The following KIF5C variants were observed in gnomAD, a reference collection of about 807,000 sequenced individuals.
KIF5C encodes kinesin family member 5C.
A neutral mutation model predicts 125.2 loss-of-function variants in KIF5C; 18 were observed. That is an observed-to-expected ratio of 0.14 (90% confidence interval 0.10 to 0.21). KIF5C has a LOEUF of 0.21. Among genes scored for constraint, KIF5C ranks in the 10% least tolerant of loss-of-function variants. The pLI, the probability that KIF5C is intolerant of heterozygous loss-of-function variation, is 1.00. For missense variants in KIF5C, 780 were observed against 1,183.8 expected, an observed-to-expected ratio of 0.66 and a Z score of 5.01; for synonymous variants, 405 against 434.0, an observed-to-expected ratio of 0.93 and a Z score of 0.83.
intron 13 of KIF5C, among the ~76,000 whole-genome samples, chr2:148,981,113 A>C (rs1486612410): frequency 6.6e-6 from 1 of 152,210 alleles, no homozygotes; most frequent in African/African-American, 2.4e-5. Flanking sequence ...TAACAACAAC[A>C]ACAACAAAAC....
chr2:148,983,156 A>G (rs1215132422), intron 14 of KIF5C, among the ~76,000 whole-genome samples: 1 of 152,072 alleles, frequency 6.6e-6, no homozygotes, highest in African/African-American at 2.4e-5. Flanking sequence ...CTTCTGGGCC[A>G]TCTATTCTAG....
chr2:148,973,656 G>C, intron 12 of KIF5C, 145 bp downstream of exon 12: 1 of 1,211,874 alleles, frequency 8.3e-7, no homozygotes, highest in Non-Finnish European at 1.1e-6. Context: ...TGATGGTGCA[G>C]ATTCAGGGAG....
chr2:148,931,646 G>A (rs1372779352), intron 3 of KIF5C, among the ~76,000 whole-genome samples: 2 of 152,092 alleles, frequency 1.3e-5, no homozygotes, highest in Admixed American at 6.5e-5. Flanking sequence ...CTGGGTGACA[G>A]AACAAGACTC....
Position 148,875,690 on chromosome 2 carries a change from C to T in KIF5C, c.73C>T (p.Arg25Cys). Residue 25 changes from arginine (R) to cysteine (C), a missense_variant, in exon 1 of 26, where the codon CGC (arginine) becomes TGC (cysteine). Around this residue, in one of 2 missense-constraint regions of KIF5C, gnomAD observed 207 missense variants for 441.2 expected, o/e 0.47. Coordinates refer to ENST00000435030, the MANE Select transcript of KIF5C (RefSeq NM_004522.3). The stretch of plus-strand genomic sequence containing the variant: ...GCCCCTCAACGAAGCGGAGATCCTC[C>T]GCGGGGACAAATTCATCCCCAAATT... Reference protein sequence around the residue: ...FRPLNEAEILRGDKFIPKFKG... With the variant: ...FRPLNEAEILCGDKFIPKFKG... 1 of 1,593,254 alleles carries T rather than the reference C, an allele frequency of 6.3e-7. No individual in the cohort carries two copies.
At chr2:148,900,489 G>T (rs1680851531) in intron 1 of KIF5C, among the ~76,000 whole-genome samples, 1 of 151,966 alleles carries the variant, frequency 6.6e-6, no homozygotes, top group South Asian at 2.1e-4. Flanking sequence ...CTGACATAGG[G>T]GCCTCTCCCT....
At chr2:149,020,587 G>A (rs893386076) in intron 25 of KIF5C, among the ~76,000 whole-genome samples, 1 of 152,114 alleles carries the variant, frequency 6.6e-6, no homozygotes, top group Admixed American at 6.6e-5. Flanking sequence ...GTGTCAACAC[G>A]GTTTGGCTGC....
chr2:148,960,436 A>C (rs1157783337), intron 10 of KIF5C, among the ~76,000 whole-genome samples: 1 of 152,246 alleles, frequency 6.6e-6, no homozygotes, highest in Non-Finnish European at 1.5e-5. Flanking sequence ...AAGCATCCAC[A>C]GTACTGCCTG....
chr2:148,910,073 T>C (rs368630462), intron 1 of KIF5C, among the ~76,000 whole-genome samples: 3 of 152,206 alleles, frequency 2.0e-5, no homozygotes, highest in African/African-American at 7.2e-5. Context: ...AAATGTGACA[T>C]GAAAAATCCA....
At chr2:148,899,125 A>AT (rs148917266) in intron 1 of KIF5C, among the ~76,000 whole-genome samples, 1,869 of 152,252 alleles carry the variant, frequency 0.012, 44 homozygotes, top group African/African-American at 0.043. Flanking sequence ...ATTAAATAGT[A>AT]TTTTTTTCAG....
intron 21 of KIF5C, among the ~76,000 whole-genome samples, chr2:149,004,756 G>T (rs1322347698): frequency 6.6e-6 from 1 of 152,136 alleles, no homozygotes; most frequent in African/African-American, 2.4e-5. Flanking sequence ...CATCTCATTT[G>T]ATCTTGACAG....
intron 8 of KIF5C, 183 bp downstream of exon 8, chr2:148,947,206 C>T (rs1435650403): frequency 1.1e-6 from 1 of 908,150 alleles, no homozygotes; most frequent in Non-Finnish European, 1.6e-6. Flanking sequence ...GTCCTGAGGT[C>T]TCCTATTGGT....
At chr2:149,021,883 A>G (rs549962348) in intron 25 of KIF5C, among the ~76,000 whole-genome samples, 4 of 152,132 alleles carry the variant, frequency 2.6e-5, no homozygotes, top group Admixed American at 6.5e-5. Flanking sequence ...CACAAAACCT[A>G]TAGTAAGATC....
At chr2:148,930,967 A>G (rs1682169967) in intron 3 of KIF5C, among the ~76,000 whole-genome samples, 1 of 152,128 alleles carries the variant, frequency 6.6e-6, no homozygotes, top group Non-Finnish European at 1.5e-5. Flanking sequence ...CCTTGAGACT[A>G]TAGAAAAGTT....
chr2:148,925,118 G>A (rs1415129920), intron 2 of KIF5C, among the ~76,000 whole-genome samples: 1 of 152,172 alleles, frequency 6.6e-6, no homozygotes, highest in African/African-American at 2.4e-5. Flanking sequence ...ATTAAAGAAG[G>A]TTTCTCTGAA....
At chr2:148,932,065 A>C (rs1285502708) in intron 3 of KIF5C, among the ~76,000 whole-genome samples, 5 of 152,186 alleles carry the variant, frequency 3.3e-5, no homozygotes, top group Non-Finnish European at 7.3e-5. Context: ...TTTCAGAGGA[A>C]GACAGAGGGA....
intron 1 of KIF5C, among the ~76,000 whole-genome samples, chr2:148,920,457 C>G (rs1427573913): frequency 6.6e-6 from 1 of 152,158 alleles, no homozygotes; most frequent in Non-Finnish European, 1.5e-5. Flanking sequence ...CAACCAAATC[C>G]TTGATTCACT....
intron 24 of KIF5C, 129 bp downstream of exon 24, chr2:149,010,480 G>A: frequency 4.2e-6 from 6 of 1,425,812 alleles, no homozygotes; most frequent in Non-Finnish European, 5.5e-6. Context: ...GAGCCCGCAG[G>A]ACGCAGCCCT....
intron 22 of KIF5C, 90 bp downstream of exon 22, chr2:149,005,554 CG>C (rs1369795332): frequency 1.2e-5 from 18 of 1,543,202 alleles, no homozygotes; most frequent in Non-Finnish European, 1.6e-5. Flanking sequence ...TTGCTTAAGT[CG>C]GGGCTGGTTA....
intron 13 of KIF5C, among the ~76,000 whole-genome samples, chr2:148,979,738 G>A (rs2105156748): frequency 6.6e-6 from 1 of 152,318 alleles, no homozygotes; most frequent in Non-Finnish European, 1.5e-5. Context: ...AGGTAGAGGA[G>A]GGGAAGGCAA....
Sources: allele counts gnomAD v4.1 joint callset (sites outside exome capture counted in the v4.1 genomes callset), GRCh38; gene constraint gnomAD v4.1.1; regional missense constraint gnomAD v4.1.1; transcripts MANE v1.5; gene names NCBI Gene and HGNC (gene_info 2026-07-23, HGNC 2026-07-21).